Variants in EXOC4 observed in about 807,000 individuals in gnomAD.
EXOC4 encodes exocyst complex component 4, also known as SEC8-like 1.
In EXOC4, 71 loss-of-function variants were observed where a neutral mutation model predicts 107.2. The ratio of observed to expected loss-of-function variants is 0.66; its 90% CI spans 0.55 to 0.81. The LOEUF is 0.81. Ranked by LOEUF, EXOC4 falls within the 30% of genes least tolerant of loss-of-function variation. The pLI is 0.00. For missense variants in EXOC4, 1,108 were observed against 1,189.6 expected (o/e 0.93, Z 1.01); for synonymous variants, 456 against 441.2 (o/e 1.03, Z -0.42).
At position 133,802,018 on chromosome 7, in the gene EXOC4, A is replaced by G. The variant is rs147008583; in HGVS notation, c.1515-15307A>G. Among the ~76,000 whole-genome samples, 806 of 152,298 alleles carry G rather than the reference A, an allele frequency of 5.3e-3. 3 individuals are homozygous for G. Among genetic ancestry groups the G allele is most frequent in the Non-Finnish European group, 8.6e-3 (582 of 68,020 alleles). The stretch of plus-strand genomic sequence containing the variant: ...TTAGTTATAAAAAATAAGCCTTTCC[A>G]TATTTCTGCTCCTTGGGAAATTTTC... On this transcript the variant is annotated intron_variant, in intron 10 of 17. Coordinates refer to ENST00000253861, the MANE Select transcript of EXOC4 (RefSeq NM_021807.4).
intron 7 of EXOC4, among the ~76,000 whole-genome samples, chr7:133,390,269 G>A (rs1039212297): frequency 6.6e-6 from 1 of 152,174 alleles, no homozygotes; most frequent in Non-Finnish European, 1.5e-5. Context: ...GCTTTCTATA[G>A]TTGTCACAGC....
At position 134,024,375 on chromosome 7, in the gene EXOC4, C is replaced by T. The variant is rs1394675192; in HGVS notation, c.2687+16540C>T. 3.3e-5 allele frequency among the ~76,000 whole-genome samples: 5 copies of T among 151,168 alleles called. No homozygotes were observed. In the South Asian group the frequency reaches 6.3e-4, roughly 19 times the overall value. ...CTGAGGCAGGAGAATGGTGTGAACC[C>T]GGGAGGTGGAGCTTCCAGTGAGCCG... On this transcript the variant is annotated intron_variant, in intron 17 of 17. Coordinates refer to ENST00000253861, the MANE Select transcript of EXOC4 (RefSeq NM_021807.4).
At chr7:133,523,605 A>G (rs1329358330) in intron 9 of EXOC4, among the ~76,000 whole-genome samples, 1 of 121,418 alleles carries the variant, frequency 8.2e-6, no homozygotes, top group Non-Finnish European at 1.7e-5. Flanking sequence ...CCCCCACCCC[A>G]CAACAGTCCC....
At chr7:133,630,245 A>G in intron 10 of EXOC4, 104 bp downstream of exon 10, 2 of 844,886 alleles carry the variant, frequency 2.4e-6, no homozygotes, top group Non-Finnish European at 3.8e-6. Flanking sequence ...CAAGTCATAA[A>G]AGAAATTTAT....
intron 9 of EXOC4, among the ~76,000 whole-genome samples, chr7:133,553,905 T>C (rs1800642447): frequency 6.6e-6 from 1 of 152,198 alleles, no homozygotes; most frequent in African/African-American, 2.4e-5. Context: ...TGCTTACATT[T>C]GTACTTTACC....
chr7:133,556,746 G>C (rs1322467733), intron 9 of EXOC4, among the ~76,000 whole-genome samples: 1 of 152,160 alleles, frequency 6.6e-6, no homozygotes, highest in Non-Finnish European at 1.5e-5. Flanking sequence ...TTCTGTGGGT[G>C]TTGTTGAAAA....
intron 12 of EXOC4, among the ~76,000 whole-genome samples, chr7:133,916,154 T>A (rs778248508): frequency 1.3e-5 from 2 of 152,232 alleles, no homozygotes; most frequent in Non-Finnish European, 2.9e-5. Flanking sequence ...CATTAGTTAG[T>A]TTCTCGTAAG....
At chr7:133,348,342 CTG>C (rs1795832669) in intron 5 of EXOC4, among the ~76,000 whole-genome samples, 1 of 152,156 alleles carries the variant, frequency 6.6e-6, no homozygotes, top group Admixed American at 6.5e-5. Flanking sequence ...CCGTTTGGGG[CTG>C]TGTCATTTTA....
chr7:133,331,546 G>T (rs1302041385), intron 5 of EXOC4, among the ~76,000 whole-genome samples: 1 of 143,638 alleles, frequency 7.0e-6, no homozygotes, highest in African/African-American at 2.6e-5. Context: ...CTCACTGCAG[G>T]CTCCGCCCCC....
At chr7:133,587,308 C>A (rs1287736134) in intron 9 of EXOC4, among the ~76,000 whole-genome samples, 1 of 152,188 alleles carries the variant, frequency 6.6e-6, no homozygotes, top group Non-Finnish European at 1.5e-5. Context: ...AGTCCAGACA[C>A]TTGCAAAATG....
chr7:133,643,100 A>G (rs1439602739), intron 10 of EXOC4, among the ~76,000 whole-genome samples: 1 of 152,196 alleles, frequency 6.6e-6, no homozygotes, highest in African/African-American at 2.4e-5. Context: ...ATGACTCAAA[A>G]GAGAACACAG....
chr7:133,660,200 A>T (rs1394806889), intron 10 of EXOC4, among the ~76,000 whole-genome samples: 1 of 149,590 alleles, frequency 6.7e-6, no homozygotes, highest in Admixed American at 6.7e-5. Context: ...TGCAGCCTTG[A>T]ATTGATTGCT....
intron 15 of EXOC4, among the ~76,000 whole-genome samples, chr7:134,004,436 G>T (rs1794596910): frequency 6.6e-6 from 1 of 152,166 alleles, no homozygotes; most frequent in Non-Finnish European, 1.5e-5. Flanking sequence ...CATACAGCTG[G>T]TGATTGAAGC....
chr7:133,693,519 T>G (rs1794466403), intron 10 of EXOC4, among the ~76,000 whole-genome samples: 1 of 152,192 alleles, frequency 6.6e-6, no homozygotes, highest in Non-Finnish European at 1.5e-5. Context: ...CTTTGCATCC[T>G]TCAATCCAAT....
chr7:133,557,672 A>C (rs2150947543), intron 9 of EXOC4, among the ~76,000 whole-genome samples: 1 of 152,296 alleles, frequency 6.6e-6, no homozygotes, highest in South Asian at 2.1e-4. Flanking sequence ...CACAAATCCA[A>C]CATTTTATTC....
At chr7:133,497,064 A>G (rs1799491985) in intron 9 of EXOC4, among the ~76,000 whole-genome samples, 1 of 152,128 alleles carries the variant, frequency 6.6e-6, no homozygotes, top group Non-Finnish European at 1.5e-5. Flanking sequence ...CTAACAGCCA[A>G]CAGAAAAATA....
the EXOC4 span, among the ~76,000 whole-genome samples, chr7:134,098,584 CAG>C: frequency 6.6e-6 from 1 of 152,072 alleles, no homozygotes; most frequent in East Asian, 1.9e-4. Flanking sequence ...CTGAGAACAT[CAG>C]TACTTCAGGG....
At chr7:133,911,544 G>A (rs955976169) in intron 12 of EXOC4, among the ~76,000 whole-genome samples, 1 of 152,052 alleles carries the variant, frequency 6.6e-6, no homozygotes, top group Non-Finnish European at 1.5e-5. Flanking sequence ...TAATAAAATG[G>A]GATCGATGCA....
chr7:134,010,992 A>G (rs928130379), intron 17 of EXOC4, among the ~76,000 whole-genome samples: 11 of 152,228 alleles, frequency 7.2e-5, no homozygotes, highest in African/African-American at 2.7e-4. Context: ...AACTTGTAAC[A>G]TTACCAGAAG....
Sources: allele counts gnomAD v4.1 joint callset (sites outside exome capture counted in the v4.1 genomes callset), GRCh38; gene constraint gnomAD v4.1.1; transcripts MANE v1.5; gene names NCBI Gene and HGNC (gene_info 2026-07-23, HGNC 2026-07-21).